HTR4: variants seen among roughly 807,000 people sequenced by gnomAD.
The protein encoded by HTR4 is 5-hydroxytryptamine (serotonin) receptor 4, G protein-coupled.
In HTR4, 16 loss-of-function variants were observed where a neutral mutation model predicts 36.8. The observed-to-expected ratio is 0.43, with a 90% CI of 0.29 to 0.66. The LOEUF is 0.66. Among genes scored for constraint, HTR4 ranks in the 30% least tolerant of loss-of-function variants. The pLI, the probability that HTR4 is intolerant of heterozygous loss-of-function variation, is 0.13. For synonymous variants in HTR4, 189 were observed against 185.1 expected (o/e 1.02, Z -0.17); for missense variants, 438 against 490.9 (o/e 0.89, Z 1.02).
rs554942711 is a variant in HTR4 at position 148,580,486 on chromosome 5, A to T, written c.27-30224T>A. On this transcript the variant is annotated intron_variant, in intron 2 of 6. Coordinates refer to ENST00000377888, the MANE Select transcript of HTR4 (RefSeq NM_000870.7). ...TAACTGCAGGCACTATTTTGTACAG[A>T]CCTCTAGAACTTACTCATCTTGTAT... Among the ~76,000 whole-genome samples the T allele has an allele frequency of 1.2e-4, 19 of 152,094 alleles. No homozygotes were observed. In the South Asian group the frequency reaches 2.9e-3, roughly 23 times the overall value.
chr5:148,508,360 C>T (rs762103071), intron 6 of HTR4, among the ~76,000 whole-genome samples: 2 of 152,158 alleles, frequency 1.3e-5, no homozygotes, highest in African/African-American at 2.4e-5. Flanking sequence ...TAGCTGAGAA[C>T]AATTCTAGCC....
intron 2 of HTR4, among the ~76,000 whole-genome samples, chr5:148,617,469 TTTTTTTTTG>T (rs58639813): frequency 0.26 from 36,919 of 141,134 alleles, 5,362 homozygotes; most frequent in Non-Finnish European, 0.34. Flanking sequence ...CTCTCTTTTG[TTTTTTTTTG>T]TTTTTTTTGA....
chr5:148,559,105 G>A (rs577231649), intron 2 of HTR4, among the ~76,000 whole-genome samples: 16 of 152,142 alleles, frequency 1.1e-4, no homozygotes, highest in Non-Finnish European at 1.6e-4. Flanking sequence ...GTTTACCTTC[G>A]TGATCACCTG....
chr5:148,501,933 G>A (rs1756952777), intron 6 of HTR4, among the ~76,000 whole-genome samples: 2 of 152,048 alleles, frequency 1.3e-5, no homozygotes. Flanking sequence ...GGTGGCAGGT[G>A]CCTGTAGTCC....
At chr5:148,545,644 T>C (rs1759351373) in intron 4 of HTR4, among the ~76,000 whole-genome samples, 1 of 152,202 alleles carries the variant, frequency 6.6e-6, no homozygotes, top group African/African-American at 2.4e-5. Flanking sequence ...GAGGAAGTTT[T>C]CAGGCAGAGG....
chr5:148,592,491 G>A (rs953256966), intron 2 of HTR4, among the ~76,000 whole-genome samples: 6 of 152,062 alleles, frequency 3.9e-5, no homozygotes, highest in Non-Finnish European at 8.8e-5. Context: ...CTTCTAGTCT[G>A]TACTGTTGCT....
intron 2 of HTR4, among the ~76,000 whole-genome samples, chr5:148,617,698 A>C (rs765631892): frequency 1.3e-5 from 2 of 151,828 alleles, no homozygotes; most frequent in Non-Finnish European, 2.9e-5. Flanking sequence ...CAAACTCCTG[A>C]CTTTGTGATC....
intron 2 of HTR4, among the ~76,000 whole-genome samples, chr5:148,557,194 T>C (rs1759985425): frequency 6.6e-6 from 1 of 152,048 alleles, no homozygotes; most frequent in African/African-American, 2.4e-5. Context: ...GGTGATAATA[T>C]GCCAGGGGTT....
intron 6 of HTR4, among the ~76,000 whole-genome samples, chr5:148,491,302 C>T (rs148367409): frequency 8.1e-4 from 124 of 152,172 alleles, no homozygotes; most frequent in Non-Finnish European, 1.0e-3. Flanking sequence ...CCGTATCAGT[C>T]GCCTTCTACG....
At chr5:148,515,561 A>G (rs1757703421) in intron 5 of HTR4, among the ~76,000 whole-genome samples, 1 of 152,126 alleles carries the variant, frequency 6.6e-6, no homozygotes, top group African/African-American at 2.4e-5. Context: ...AAAACGTCTT[A>G]ATATCATCTT....
chr5:148,643,798 G>A (rs1753795738), intron 1 of HTR4, among the ~76,000 whole-genome samples: 1 of 152,176 alleles, frequency 6.6e-6, no homozygotes, highest in African/African-American at 2.4e-5. Flanking sequence ...AATCATCAGT[G>A]CTGTTCAATT....
downstream of HTR4, among the ~76,000 whole-genome samples, chr5:148,474,336 T>TG (rs1240681451): frequency 6.1e-5 from 9 of 148,078 alleles, no homozygotes; most frequent in South Asian, 2.1e-4. Flanking sequence ...GGGGGTGGTG[T>TG]GGGGGGGCTG....
chr5:148,629,229 C>T (rs1203644980), intron 2 of HTR4: 2 of 152,134 alleles, frequency 1.3e-5, no homozygotes, highest in African/African-American at 4.8e-5. Context: ...AATAATAATT[C>T]TGAGAACATG....
intron 4 of HTR4, among the ~76,000 whole-genome samples, chr5:148,546,810 C>T (rs1406012789): frequency 6.6e-6 from 1 of 152,208 alleles, no homozygotes. Flanking sequence ...GCAGGATTTC[C>T]ATAGATTTTC....
intron 2 of HTR4, among the ~76,000 whole-genome samples, chr5:148,581,936 A>G (rs894115867): frequency 6.6e-6 from 1 of 152,076 alleles, no homozygotes; most frequent in African/African-American, 2.4e-5. Context: ...TAGTGTAGAC[A>G]TTTTCACATA....
chr5:148,467,102 C>A, intron 5 of HTR4, among the ~76,000 whole-genome samples: 1 of 152,258 alleles, frequency 6.6e-6, no homozygotes, highest in African/African-American at 2.4e-5. Context: ...CAATAAGGAT[C>A]CATTCACTCA....
At chr5:148,614,797 A>G (rs1473060958) in intron 2 of HTR4, among the ~76,000 whole-genome samples, 3 of 152,242 alleles carry the variant, frequency 2.0e-5, no homozygotes. Context: ...CAAAGGGCTA[A>G]TATCCAGAAT....
At chr5:148,598,537 G>A (rs970433484) in intron 2 of HTR4, among the ~76,000 whole-genome samples, 1 of 151,818 alleles carries the variant, frequency 6.6e-6, no homozygotes, top group African/African-American at 2.4e-5. Context: ...GGGTGACAGA[G>A]TGAGACTCTG....
chr5:148,473,297 A>G (rs369975798), downstream of HTR4, among the ~76,000 whole-genome samples: 1,026 of 136,242 alleles, frequency 7.5e-3, 18 homozygotes, highest in African/African-American at 0.033. Context: ...GCGAGACTCC[A>G]TCTCAAAAAA....
Sources: gnomAD v4.1 joint callset for allele counts (sites outside exome capture counted in the v4.1 genomes callset) on GRCh38, gnomAD v4.1.1 for gene constraint, MANE v1.5 for transcripts, NCBI Gene and HGNC (gene_info 2026-07-23, HGNC 2026-07-21) for gene names.